The following RARB variants were observed in gnomAD, a reference collection of about 807,000 sequenced individuals.
RARB encodes HBV-activated protein.
A neutral mutation model predicts 51.9 loss-of-function variants in RARB; 17 were observed. The ratio of observed to expected loss-of-function variants is 0.33; its 90% CI spans 0.22 to 0.49. The LOEUF is 0.49. Ranked by LOEUF, RARB falls within the 20% of genes least tolerant of loss-of-function variation. RARB has a pLI of 0.99. For synonymous variants in RARB, 215 were observed against 195.4 expected (o/e 1.10, Z -0.84); for missense variants, 369 against 550.8 (o/e 0.67, Z 3.30).
At chr3:25,379,463 A>G (rs750756253) in intron 5 of RARB, among the ~76,000 whole-genome samples, 9 of 152,186 alleles carry the variant, frequency 5.9e-5, no homozygotes, top group Admixed American at 3.3e-4. Context: ...ATCATCTGTA[A>G]ACAAGAAAAG....
intron 5 of RARB, among the ~76,000 whole-genome samples, chr3:25,403,692 A>C (rs1227959206): frequency 6.6e-6 from 1 of 152,084 alleles, no homozygotes; most frequent in Non-Finnish European, 1.5e-5. Context: ...CTCAAACTGT[A>C]TTACCATCTT....
At chr3:25,277,035 G>C (rs1703406561) in intron 5 of RARB, among the ~76,000 whole-genome samples, 1 of 152,112 alleles carries the variant, frequency 6.6e-6, no homozygotes, top group Non-Finnish European at 1.5e-5. Flanking sequence ...AAAGAAATAG[G>C]AATGAGGAGT....
In RARB at chr3:24,892,224, A is replaced by C. The variant is rs552420135; in HGVS notation, c.-380+33472A>C. The stretch of plus-strand genomic sequence containing the variant: ...ATTCACTTGAATGCCCTCTTAGAAA[A>C]AAAAAAAAAAAGGGATGTAGGTGGC... On this transcript the variant is annotated intron_variant, in intron 2 of 11. Coordinates refer to the RARB transcript ENST00000383772. 5.5e-3 allele frequency among the ~76,000 whole-genome samples: 824 copies of C among 150,404 alleles called. 8 individuals are homozygous for C. Among genetic ancestry groups the C allele is most frequent in the African/African-American group, 0.019 (780 of 40,222 alleles).
chr3:24,842,569 A>G (rs375230389), intron 1 of RARB, among the ~76,000 whole-genome samples: 3 of 152,020 alleles, frequency 2.0e-5, no homozygotes, highest in South Asian at 2.1e-4. Flanking sequence ...TTCATTTGTT[A>G]TTGTGGAGAT....
chr3:24,862,018 G>T (rs1365107878), intron 2 of RARB, among the ~76,000 whole-genome samples: 1 of 152,186 alleles, frequency 6.6e-6, no homozygotes, highest in Non-Finnish European at 1.5e-5. Flanking sequence ...TTCCGAAGTT[G>T]CTGCCTAAAG....
At chr3:25,171,547 G>T (rs929753060) in intron 4 of RARB, among the ~76,000 whole-genome samples, 39 of 117,832 alleles carry the variant, frequency 3.3e-4, no homozygotes, top group Non-Finnish European at 4.7e-4. Flanking sequence ...AACCAGACAG[G>T]CAAGATGCTG....
chr3:25,450,694 T>G (rs562980557), intron 1 of RARB, among the ~76,000 whole-genome samples: 11 of 152,276 alleles, frequency 7.2e-5, no homozygotes, highest in African/African-American at 2.2e-4. Flanking sequence ...CCCTGGCCTC[T>G]ACCTACTAGA....
At chr3:25,161,077 A>G (rs184527084) in intron 4 of RARB, among the ~76,000 whole-genome samples, 18 of 152,072 alleles carry the variant, frequency 1.2e-4, no homozygotes, top group Middle Eastern at 3.4e-3. Context: ...CAGTGGCCCA[A>G]TCTCGGCTCA....
intron 4 of RARB, among the ~76,000 whole-genome samples, chr3:25,135,066 T>G (rs2125334661): frequency 6.6e-6 from 1 of 151,620 alleles, no homozygotes; most frequent in Middle Eastern, 3.4e-3. Context: ...TTTTTTTTTT[T>G]GGTCTGAGTT....
At chr3:25,045,470 A>T (rs61043032) in intron 2 of RARB, among the ~76,000 whole-genome samples, 1 of 152,010 alleles carries the variant, frequency 6.6e-6, no homozygotes, top group Non-Finnish European at 1.5e-5. Context: ...ATTCAAAGCC[A>T]GAGCTCCCTC....
chr3:25,168,309 C>G (rs1044042864), intron 4 of RARB, among the ~76,000 whole-genome samples: 4 of 152,038 alleles, frequency 2.6e-5, no homozygotes, highest in Admixed American at 2.6e-4. Context: ...CAACCTCCGC[C>G]CCCCAGGTTC....
intron 4 of RARB, among the ~76,000 whole-genome samples, chr3:25,157,378 G>GTA (rs71822047): frequency 0.43 from 61,081 of 143,070 alleles, 12,935 homozygotes; most frequent in East Asian, 0.59. Context: ...GTGTGTGTGT[G>GTA]TGTATATATA....
At position 25,225,131 on chromosome 3, in the gene RARB, C is replaced by A. The variant is rs1369875; in HGVS notation, c.178+50556C>A. Among the ~76,000 whole-genome samples, 480 of 152,134 alleles carry A rather than the reference C, an allele frequency of 3.2e-3. 2 individuals carry two copies. Among genetic ancestry groups the A allele is most frequent in the African/African-American group, 9.4e-3 (389 of 41,454 alleles). ...TTACCACTAGATTAAACTCTGACTC[C>A]CTTCATCTCTCCATTAATTCAAAAA... On this transcript the variant is annotated intron_variant, in intron 5 of 11. Coordinates refer to the RARB transcript ENST00000383772.
intron 3 of RARB, among the ~76,000 whole-genome samples, chr3:25,509,163 C>T (rs1575472528): frequency 6.6e-6 from 1 of 152,216 alleles, no homozygotes; most frequent in Non-Finnish European, 1.5e-5. Flanking sequence ...AGGTCAAATG[C>T]AGCCCTCGCC....
intron 3 of RARB, among the ~76,000 whole-genome samples, chr3:25,563,947 C>CT (rs58611383): frequency 0.23 from 32,148 of 136,892 alleles, 3,946 homozygotes; most frequent in African/African-American, 0.35. Context: ...TTGTATTTTC[C>CT]TTTTTTTTTT....
chr3:25,094,796 A>G (rs1465095657), intron 3 of RARB, among the ~76,000 whole-genome samples: 5 of 151,628 alleles, frequency 3.3e-5, no homozygotes, highest in South Asian at 2.1e-4. Flanking sequence ...ACTACTCAGA[A>G]TCAGAGTTCT....
chr3:25,200,207 C>T (rs186371683), intron 5 of RARB, among the ~76,000 whole-genome samples: 1 of 152,124 alleles, frequency 6.6e-6, no homozygotes, highest in African/African-American at 2.4e-5. Context: ...TGATGATGAG[C>T]ATTGTTTCTT....
intron 5 of RARB, chr3:25,352,373 A>T (rs533992253): frequency 6.6e-6 from 1 of 152,232 alleles, no homozygotes; most frequent in African/African-American, 2.4e-5. Context: ...GGGCACATTC[A>T]TGGTGGTATG....
exon 5 of RARB, chr3:25,174,260 G>T: frequency 3.3e-6 from 2 of 609,916 alleles, no homozygotes; most frequent in South Asian, 1.7e-5. Context: ...AAGGTCATCA[G>T]TTGAACCATC....
Sources: allele counts gnomAD v4.1 joint callset (sites outside exome capture counted in the v4.1 genomes callset), GRCh38; gene constraint gnomAD v4.1.1; transcripts MANE v1.5; gene names NCBI Gene and HGNC (gene_info 2026-07-23, HGNC 2026-07-21).